Variants in PPFIBP2 observed in about 807,000 individuals in gnomAD.
PPFIBP2 encodes PPFIB scaffold protein 2, also known as liprin-beta-2.
In PPFIBP2, 118 loss-of-function variants were observed where a neutral mutation model predicts 118.3. The observed-to-expected ratio is 1.00, with a 90% confidence interval of 0.86 to 1.16. PPFIBP2 has a LOEUF of 1.16. PPFIBP2 is among the 50% of genes most tolerant of loss of function. The pLI, the probability that PPFIBP2 is intolerant of heterozygous loss-of-function variation, is 0.00. For missense variants in PPFIBP2, 1,195 were observed against 1,073.1 expected (o/e 1.11, Z -1.59); for synonymous variants, 414 against 397.4 (o/e 1.04, Z -0.50).
At chr11:7,596,720 A>AT (rs1347625421) in intron 4 of PPFIBP2, among the ~76,000 whole-genome samples, 1 of 152,164 alleles carries the variant, frequency 6.6e-6, no homozygotes, top group Admixed American at 6.5e-5. Flanking sequence ...TCAACTGCTA[A>AT]TTTCTTCACT....
the PPFIBP2 span, chr11:7,665,186 C>A: frequency 6.2e-6 from 3 of 485,194 alleles, no homozygotes; most frequent in South Asian, 8.1e-5. Flanking sequence ...GCAAGGAGGC[C>A]CCAGCAGCCA....
At chr11:7,579,281 G>T (rs1371241329) in intron 3 of PPFIBP2, among the ~76,000 whole-genome samples, 1 of 152,148 alleles carries the variant, frequency 6.6e-6, no homozygotes, top group Non-Finnish European at 1.5e-5. Flanking sequence ...CTATCTCCCA[G>T]TCTAGTTCTC....
At chr11:7,602,924 A>G (rs912925636) in intron 5 of PPFIBP2, among the ~76,000 whole-genome samples, 1 of 152,196 alleles carries the variant, frequency 6.6e-6, no homozygotes, top group African/African-American at 2.4e-5. Flanking sequence ...TGAGGATGAC[A>G]ATATGGACTC....
chr11:7,550,880 C>T (rs1175062724), intron 2 of PPFIBP2, among the ~76,000 whole-genome samples: 2 of 152,150 alleles, frequency 1.3e-5, no homozygotes, highest in Admixed American at 6.5e-5. Context: ...ATCCTTCTCC[C>T]GTGCTGGATG....
the PPFIBP2 span, among the ~76,000 whole-genome samples, chr11:7,664,498 A>G: frequency 6.6e-6 from 1 of 152,286 alleles, no homozygotes; most frequent in East Asian, 1.9e-4. Flanking sequence ...CTAAATGCTA[A>G]TAGAGGGTAG....
chr11:7,614,653 G>C (rs1848433490), intron 6 of PPFIBP2, among the ~76,000 whole-genome samples: 1 of 152,142 alleles, frequency 6.6e-6, no homozygotes, highest in Non-Finnish European at 1.5e-5. Context: ...AATTTTGACA[G>C]ATATTTCCAA....
At chr11:7,658,190 C>T (rs1325239427), downstream of PPFIBP2, among the ~76,000 whole-genome samples, 1 of 151,644 alleles carries the variant, frequency 6.6e-6, no homozygotes, top group Admixed American at 6.6e-5. Flanking sequence ...TACATGTGCA[C>T]ATTGTGCAGG....
intron 1 of PPFIBP2, among the ~76,000 whole-genome samples, chr11:7,545,911 T>C (rs977656320): frequency 2.6e-5 from 4 of 151,876 alleles, no homozygotes; most frequent in Non-Finnish European, 5.9e-5. Flanking sequence ...GGGAGGAGAG[T>C]GGGGCTGAAG....
At chr11:7,663,872 C>T in the PPFIBP2 span, among the ~76,000 whole-genome samples, 30,195 of 152,074 alleles carry the variant, frequency 0.2, 3,063 homozygotes, top group Middle Eastern at 0.25. Flanking sequence ...TTAAGCCCGT[C>T]GGAAAAGCGC....
At chr11:7,641,900 T>G (rs555648993) in intron 16 of PPFIBP2, 49 of 468,168 alleles carry the variant, frequency 1.0e-4, no homozygotes, top group Non-Finnish European at 1.5e-4. Flanking sequence ...TATATTACAT[T>G]GGATCTGGCA....
chr11:7,599,305 A>G (rs1161618646), intron 5 of PPFIBP2, among the ~76,000 whole-genome samples: 1 of 152,218 alleles, frequency 6.6e-6, no homozygotes, highest in South Asian at 2.1e-4. Flanking sequence ...CAATCCAGAA[A>G]GAGAGCAAGA....
intron 5 of PPFIBP2, among the ~76,000 whole-genome samples, chr11:7,600,605 C>A (rs756240033): frequency 6.6e-6 from 1 of 152,188 alleles, no homozygotes; most frequent in Non-Finnish European, 1.5e-5. Flanking sequence ...TGCCTGGAGC[C>A]AAGGCGAGCC....
chr11:7,610,280 TTTGCTTGCAGGAG>T lies in PPFIBP2; in HGVS notation c.487-10_489del. ...GTGGTTTCTGATTTCGAGATCTGTTTTTGCTTGCAGGAGCTGCTAAGCCGCACATCTCTTGAGA... is the reference window on the plus strand; with the variant it reads ...GTGGTTTCTGATTTCGAGATCTGTTTCTGCTAAGCCGCACATCTCTTGAGA... On this transcript the variant is annotated splice_acceptor_variant and splice_polypyrimidine_tract_variant and coding_sequence_variant and intron_variant, in exon 6 of 24. Coordinates refer to ENST00000299492, the MANE Select transcript of PPFIBP2 (RefSeq NM_003621.5). LOFTEE classifies it high-confidence loss of function. The T allele has an allele frequency of 2.5e-6, 4 of 1,613,058 alleles. No individual in the cohort carries two copies. Among genetic ancestry groups the T allele is most frequent in the Non-Finnish European group, 3.4e-6 (4 of 1,178,976 alleles).
intron 2 of PPFIBP2, among the ~76,000 whole-genome samples, chr11:7,563,522 T>G (rs557128165): frequency 2.0e-5 from 3 of 152,288 alleles, no homozygotes; most frequent in South Asian, 4.2e-4. Flanking sequence ...GGTAATTGTT[T>G]CCATCTGTGT....
chr11:7,628,336 A>G lies in PPFIBP2; in HGVS notation c.878A>G (p.Asn293Ser), dbSNP rs1850297221. Residue 293 changes from asparagine (N) to serine (S), a missense_variant, in exon 9 of 24, where the codon AAT (asparagine) becomes AGT (serine). Physicochemically the swap from Asn to Ser is conservative, Grantham distance 46. Coordinates refer to ENST00000299492, the MANE Select transcript of PPFIBP2 (RefSeq NM_003621.5). ...KMGMETLLLA[N>S]EDKDRRIEEL... Reference sequence around the variant, plus strand: ...GGGATGGAAACTTTGCTGCTTGCCAATGAAGATAAGGTAAGATGGTCATTG... The same window carrying G: ...GGGATGGAAACTTTGCTGCTTGCCAGTGAAGATAAGGTAAGATGGTCATTG... 6 of 1,613,984 alleles carry G rather than the reference A, an allele frequency of 3.7e-6. No homozygotes were observed. The highest frequency in any genetic ancestry group is 2.2e-5 in the East Asian group (1 of 44,880).
chr11:7,569,287 TGGCCA>T (rs766002023), intron 3 of PPFIBP2, among the ~76,000 whole-genome samples: 32 of 152,204 alleles, frequency 2.1e-4, no homozygotes, highest in Non-Finnish European at 4.4e-4. Context: ...GGAGTGCTGT[TGGCCA>T]GGACTTTGCC....
intron 2 of PPFIBP2, among the ~76,000 whole-genome samples, chr11:7,563,926 T>C (rs947587777): frequency 3.3e-5 from 5 of 152,034 alleles, no homozygotes; most frequent in African/African-American, 1.2e-4. Context: ...AGCACTTTGG[T>C]AGGCCAATTT....
At chr11:7,647,149 C>G (rs1853214993) in intron 17 of PPFIBP2, among the ~76,000 whole-genome samples, 1 of 152,150 alleles carries the variant, frequency 6.6e-6, no homozygotes, top group South Asian at 2.1e-4. Context: ...TTAACAACAG[C>G]TCAACCAGGC....
chr11:7,610,626 G>A, intron 6 of PPFIBP2: 1 of 588,950 alleles, frequency 1.7e-6, no homozygotes, highest in African/African-American at 1.8e-5. Flanking sequence ...AGCCAGTTTT[G>A]GCTCTAAGGC....
Sources: allele counts gnomAD v4.1 joint callset (sites outside exome capture counted in the v4.1 genomes callset), GRCh38; gene constraint gnomAD v4.1.1; transcripts MANE v1.5; gene names NCBI Gene and HGNC (gene_info 2026-07-23, HGNC 2026-07-21).